Variants in ORAI2 observed in about 807,000 individuals in gnomAD.
The protein encoded by ORAI2 is ORAI calcium release-activated calcium modulator 2.
ORAI2 carries 10 observed loss-of-function variants against 16.2 expected under a neutral mutation model. That is an observed-to-expected ratio of 0.62 (90% CI 0.38 to 1.04). The LOEUF is 1.04. Among genes scored for constraint, ORAI2 ranks in the 50% least tolerant of loss-of-function variants. The pLI is 0.01. For synonymous variants in ORAI2, 150 were observed against 157.5 expected, an observed-to-expected ratio of 0.95 and a Z score of 0.35; for missense variants, 238 against 355.5, an observed-to-expected ratio of 0.67 and a Z score of 2.66.
intron 2 of ORAI2, among the ~76,000 whole-genome samples, chr7:102,438,279 C>G (rs1347492388): frequency 6.6e-6 from 1 of 151,808 alleles, no homozygotes; most frequent in Non-Finnish European, 1.5e-5. Flanking sequence ...AGCCGGGAGT[C>G]AGAGATTGCA....
chr7:102,447,909 G>T lies in ORAI2; in HGVS notation c.*857G>T, dbSNP rs1797414817. ...CCTCCCCCACCCCCCGCAGCCACTG[G>T]CCTCCAGCTCTCGGCCACAGAATGG... On this transcript the variant is annotated 3_prime_UTR_variant, in exon 4 of 4. Transcript: ENST00000495936. The T allele has an allele frequency of 6.6e-6, 1 of 152,404 alleles. No individual in the cohort carries two copies. Among genetic ancestry groups the T allele is most frequent in the Admixed American group, 6.5e-5 (1 of 15,288 alleles). 9.4% of individuals were successfully genotyped at this position (152,404 alleles called of 1,614,324 possible). A position where few individuals can be genotyped will look rare whatever the true frequency, so the allele number is the denominator to read the frequency against.
chr7:102,443,089 T>TTTCTTCTTCTTCTTCTTC (rs368278302), intron 3 of ORAI2, among the ~76,000 whole-genome samples: 65 of 125,662 alleles, frequency 5.2e-4, no homozygotes, highest in African/African-American at 1.9e-3. Context: ...TGCCTTCTCT[T>TTTCTTCTTCTTCTTCTTC]TTCTTCTTCT....
intron 3 of ORAI2, among the ~76,000 whole-genome samples, chr7:102,440,337 G>C (rs756868985): frequency 6.6e-6 from 1 of 152,100 alleles, no homozygotes. Flanking sequence ...CCCAGCGGCC[G>C]CCTTCCTTCT....
At chr7:102,435,892 C>T (rs1797046385) in intron 1 of ORAI2, among the ~76,000 whole-genome samples, 1 of 152,172 alleles carries the variant, frequency 6.6e-6, no homozygotes, top group Non-Finnish European at 1.5e-5. Context: ...ACCTCAGCCT[C>T]CCAAAGATGA....
rs773916186 is a variant in ORAI2 at position 102,446,700 on chromosome 7, C to T, written c.413C>T (p.Pro138Leu). Residue 138 changes from proline (P) to leucine (L), a missense_variant, in exon 4 of 4, where the codon CCG (proline) becomes CTG (leucine). Coordinates refer to ENST00000495936, the MANE Select transcript of ORAI2 (RefSeq NM_001126340.3). ...IHNLNSISESPHERMHPYIEL... is the reference protein window; with the variant it reads ...IHNLNSISESLHERMHPYIEL... ...AACCTGAACTCCATCAGCGAGTCCC[C>T]GCATGAGCGCATGCACCCCTACATC... 6 of 1,614,088 alleles carry T rather than the reference C, an allele frequency of 3.7e-6. No individual in the cohort carries two copies. In the African/African-American group the frequency reaches 4.0e-5, roughly 11 times the overall value.
rs530367073 is a variant in ORAI2 at position 102,454,957 on chromosome 7, G to A, written c.*7905G>A. On this transcript the variant is annotated 3_prime_UTR_variant, in exon 4 of 4. Coordinates refer to ENST00000495936, the MANE Select transcript of ORAI2 (RefSeq NM_001126340.3). Reference sequence around the variant, plus strand: ...TTTGGGAGGCTGAGGCGGGAGGATCGCTTGAGCCCAGGAGTTTGAGACCAG... The same window carrying A: ...TTTGGGAGGCTGAGGCGGGAGGATCACTTGAGCCCAGGAGTTTGAGACCAG... The A allele has an allele frequency of 3.3e-5, 5 of 153,754 alleles. No individual in the cohort carries two copies. The highest frequency in any genetic ancestry group is 6.5e-5 in the Admixed American group (1 of 15,318). The allele number at this position is 153,754 out of a possible 1,614,324, so 9.5% of individuals were successfully genotyped here.
At chr7:102,442,739 C>G (rs1797238871) in intron 3 of ORAI2, among the ~76,000 whole-genome samples, 1 of 151,832 alleles carries the variant, frequency 6.6e-6, no homozygotes, top group African/African-American at 2.4e-5. Context: ...ACCTGTAACC[C>G]CAGCTTCTCG....
rs1563639191 is a variant in ORAI2, at chr7:102,446,894, A to G, written c.607A>G (p.Ile203Val). 2 of 1,613,320 alleles carry G rather than the reference A, an allele frequency of 1.2e-6. No individual in the cohort carries two copies. The highest frequency in any genetic ancestry group is 1.7e-6 in the Non-Finnish European group (2 of 1,179,976). ...GCAGGCCGCCCTGGTGTCCACCATC[A>G]TCATGGTGCCCGTGGGCCTCATCTT... The part of the protein sequence containing the change: ...GWQAALVSTI[I>V]MVPVGLIFVV... The change falls in exon 4 of 4, where the codon ATC becomes GTC. Residue 203 changes from isoleucine (I) to valine (V), a missense_variant. Around this residue, in one of 3 missense-constraint regions of ORAI2, gnomAD observed 176 missense variants for 265.9 expected, o/e 0.66. Coordinates refer to ENST00000495936, the MANE Select transcript of ORAI2 (RefSeq NM_001126340.3).
chr7:102,442,303 A>G (rs1797228288), intron 3 of ORAI2, among the ~76,000 whole-genome samples: 1 of 152,180 alleles, frequency 6.6e-6, no homozygotes, highest in Non-Finnish European at 1.5e-5. Flanking sequence ...CTATAATCCC[A>G]GCACTTTGGG....
chr7:102,443,112 TCTTCTTCTTCTTCTTCTTC>T (rs1334448994), intron 3 of ORAI2, among the ~76,000 whole-genome samples: 2 of 121,262 alleles, frequency 1.6e-5, no homozygotes, highest in African/African-American at 6.6e-5. Flanking sequence ...TTCTTCTTCT[TCTTCTTCTTCTTCTTCTTC>T]TTTTTTTTTT....
At chr7:102,434,003 A>G (rs953463767) in intron 1 of ORAI2, among the ~76,000 whole-genome samples, 11 of 151,956 alleles carry the variant, frequency 7.2e-5, no homozygotes, top group Non-Finnish European at 1.3e-4. Context: ...GAGGAAGTCA[A>G]ACTCCAAGAC....
In ORAI2 at chr7:102,449,983, G is replaced by C. The variant is rs1490808191; in HGVS notation, c.*2931G>C. On this transcript the variant is annotated 3_prime_UTR_variant, in exon 4 of 4. Transcript: ENST00000495936. ...TACTAAAAATACAAAAAATTAGCTG[G>C]GTGTGGTGGCGCTCGCCTGTAGTCC... is the stretch of plus-strand genomic sequence containing the variant. The C allele has an allele frequency of 6.6e-6, 1 of 152,050 alleles. No homozygotes were observed. 9.4% of individuals were successfully genotyped at this position (152,050 alleles called of 1,614,324 possible).
rs11303681 is a variant in ORAI2 at position 102,448,881 on chromosome 7, TAA to T, written c.*1843_*1844del. The T allele has an allele frequency of 3.3e-3, 488 of 146,732 alleles. 1 individual carries two copies. The highest frequency in any genetic ancestry group is 3.8e-3 in the Non-Finnish European group (255 of 66,626). The allele number at this position is 146,732 out of a possible 1,614,324, so 9.1% of individuals were successfully genotyped here. On this transcript the variant is annotated 3_prime_UTR_variant, in exon 4 of 4. Coordinates refer to ENST00000495936, the MANE Select transcript of ORAI2 (RefSeq NM_001126340.3). ...TGGGCAACAAGAGCGAAACTTTGTCTAAAAAAAAAAAAAAATCACTGGGCTTC... is the reference window on the plus strand; with the variant it reads ...TGGGCAACAAGAGCGAAACTTTGTCTAAAAAAAAAAAAATCACTGGGCTTC...
At chr7:102,440,561 C>T (rs1206521855) in intron 3 of ORAI2, among the ~76,000 whole-genome samples, 8 of 152,158 alleles carry the variant, frequency 5.3e-5, no homozygotes, top group Non-Finnish European at 5.9e-5. Flanking sequence ...GAGACAGGGT[C>T]CCACTCTGTT....
chr7:102,435,454 G>T (rs1797034772), intron 1 of ORAI2, among the ~76,000 whole-genome samples: 1 of 151,842 alleles, frequency 6.6e-6, no homozygotes, highest in African/African-American at 2.4e-5. Context: ...CCTTTTCCTG[G>T]CCTTGGTGTG....
chr7:102,440,514 G>T (rs1481866571), intron 3 of ORAI2, among the ~76,000 whole-genome samples: 1 of 152,116 alleles, frequency 6.6e-6, no homozygotes, highest in Non-Finnish European at 1.5e-5. Context: ...GGTCCTATTG[G>T]GTGGAAGTGA....
chr7:102,443,526 G>C (rs868422687), intron 3 of ORAI2, among the ~76,000 whole-genome samples: 1 of 151,868 alleles, frequency 6.6e-6, no homozygotes, highest in Non-Finnish European at 1.5e-5. Context: ...TCTGTGGTTT[G>C]TAATATTTGT....
chr7:102,436,451 C>G, intron 2 of ORAI2, 118 bp downstream of exon 2: 1 of 503,170 alleles, frequency 2.0e-6, no homozygotes, highest in Non-Finnish European at 2.6e-6. Flanking sequence ...CACTGTTTTC[C>G]ACCTCCAGCA....
intron 3 of ORAI2, among the ~76,000 whole-genome samples, chr7:102,441,095 G>A (rs1026443294): frequency 2.0e-5 from 3 of 151,534 alleles, no homozygotes; most frequent in Non-Finnish European, 2.9e-5. Flanking sequence ...GTTTCACCAT[G>A]TTGGCCAGGC....
Sources: gnomAD v4.1 joint callset for allele counts (sites outside exome capture counted in the v4.1 genomes callset) on GRCh38, gnomAD v4.1.1 for gene constraint, gnomAD v4.1.1 regional missense constraint, MANE v1.5 for transcripts, NCBI Gene and HGNC (gene_info 2026-07-23, HGNC 2026-07-21) for gene names.